CWC27: variants seen among roughly 807,000 people sequenced by gnomAD.
The protein encoded by CWC27 is spliceosome-associated protein CWC27 homolog.
A neutral mutation model predicts 63.6 loss-of-function variants in CWC27; 47 were observed. The ratio of observed to expected loss-of-function variants is 0.74; its 90% CI spans 0.58 to 0.94. The LOEUF is 0.94. Among genes scored for constraint, CWC27 ranks in the 40% least tolerant of loss-of-function variants. The probability of loss-of-function intolerance (pLI) is 0.00; values close to 1 mark genes in which losing one functional copy is unlikely to be tolerated. For missense variants in CWC27, 495 were observed against 554.3 expected (o/e 0.89, Z 1.07); for synonymous variants, 175 against 179.8 (o/e 0.97, Z 0.22).
chr5:64,808,745 G>A (rs145819507), intron 10 of CWC27, among the ~76,000 whole-genome samples: 73 of 152,108 alleles, frequency 4.8e-4, no homozygotes, highest in Non-Finnish European at 2.6e-4. Context: ...TGGAATGAGT[G>A]GATAAATAAA....
intron 10 of CWC27, among the ~76,000 whole-genome samples, chr5:64,806,147 A>G (rs1744660402): frequency 7.3e-6 from 1 of 136,608 alleles, no homozygotes. Flanking sequence ...AGGAACATAT[A>G]TATCCACTTA....
At chr5:64,824,429 A>AT (rs914126968) in intron 10 of CWC27, among the ~76,000 whole-genome samples, 1 of 152,120 alleles carries the variant, frequency 6.6e-6, no homozygotes, top group Non-Finnish European at 1.5e-5. Context: ...TGAATGGAAT[A>AT]TTTTTATGGA....
At chr5:64,802,075 T>C (rs968282549) in intron 9 of CWC27, among the ~76,000 whole-genome samples, 1 of 152,132 alleles carries the variant, frequency 6.6e-6, no homozygotes, top group Non-Finnish European at 1.5e-5. Context: ...ATTTATGTCT[T>C]ATATGAGAGT....
chr5:64,940,242 T>G (rs548879012), intron 11 of CWC27, among the ~76,000 whole-genome samples: 1 of 152,042 alleles, frequency 6.6e-6, no homozygotes, highest in Admixed American at 6.5e-5. Context: ...GCCCTGGTGG[T>G]GTAGGCTCCA....
At chr5:64,901,475 G>C (rs528599376) in intron 11 of CWC27, among the ~76,000 whole-genome samples, 1 of 151,016 alleles carries the variant, frequency 6.6e-6, no homozygotes, top group African/African-American at 2.4e-5. Flanking sequence ...AAAAAAAAAG[G>C]TATAAAAGAT....
chr5:64,783,741 T>C (rs1743778659), intron 3 of CWC27, 95 bp from the exon 4 acceptor site: 3 of 1,060,298 alleles, frequency 2.8e-6, no homozygotes, highest in Non-Finnish European at 3.9e-6. Flanking sequence ...GCATTTTTTA[T>C]TAGAAGTTGT....
At position 64,910,947 on chromosome 5, in the gene CWC27, C is replaced by T. The variant is rs11741398; in HGVS notation, c.1042+25401C>T. The stretch of plus-strand genomic sequence containing the variant: ...GCCCACCCTGCTTCAGCTTGCCCTC[C>T]GTGGGCTGCACCCATTGTCCAACCA... On this transcript the variant is annotated intron_variant, in intron 11 of 13. Coordinates refer to ENST00000381070, the MANE Select transcript of CWC27 (RefSeq NM_005869.4). Among the ~76,000 whole-genome samples the T allele has an allele frequency of 2.0e-3, 301 of 152,306 alleles. 1 individual carries two copies. Among genetic ancestry groups the T allele is most frequent in the Non-Finnish European group, 3.2e-3 (215 of 68,012 alleles).
In CWC27 at chr5:64,858,696, A is replaced by G. The variant is rs532686843; in HGVS notation, c.939-26747A>G. Among the ~76,000 whole-genome samples, 74 of 152,190 alleles carry G rather than the reference A, an allele frequency of 4.9e-4. No individual in the cohort carries two copies. In the Middle Eastern group the frequency reaches 0.01, roughly 21 times the overall value. On this transcript the variant is annotated intron_variant, in intron 10 of 13. Transcript: ENST00000381070. ...TATTCAGGGCAATACAAATTAAACC[A>G]CTATGAGATAACACTCACTAGATTG...
intron 9 of CWC27, 42 bp downstream of exon 9, chr5:64,801,374 TAGAA>T: frequency 7.9e-7 from 1 of 1,257,868 alleles, no homozygotes; most frequent in Non-Finnish European, 1.1e-6. Context: ...GAACAATTCA[TAGAA>T]AGTACAAAAT....
At chr5:64,950,049 A>G (rs555017710) in intron 11 of CWC27, among the ~76,000 whole-genome samples, 89 of 152,128 alleles carry the variant, frequency 5.9e-4, no homozygotes, top group African/African-American at 2.0e-3. Flanking sequence ...AATATAAACT[A>G]GTTTAGTAAT....
chr5:64,985,395 A>G (rs1366321025), intron 13 of CWC27, among the ~76,000 whole-genome samples: 1 of 152,182 alleles, frequency 6.6e-6, no homozygotes, highest in Non-Finnish European at 1.5e-5. Flanking sequence ...GAGTTTTCCA[A>G]TCCATAAACA....
At chr5:64,790,882 G>A (rs1303693263) in intron 7 of CWC27, among the ~76,000 whole-genome samples, 1 of 152,116 alleles carries the variant, frequency 6.6e-6, no homozygotes, top group Non-Finnish European at 1.5e-5. Context: ...AACTCAGAGA[G>A]GGTTAAATAA....
chr5:64,902,154 GTTA>G (rs764038779), intron 11 of CWC27, among the ~76,000 whole-genome samples: 3 of 152,104 alleles, frequency 2.0e-5, no homozygotes, highest in Non-Finnish European at 4.4e-5. Context: ...GTCATTTATT[GTTA>G]TTATCAAGTA....
intron 10 of CWC27, among the ~76,000 whole-genome samples, chr5:64,859,654 T>C (rs1465584426): frequency 6.6e-6 from 1 of 152,170 alleles, no homozygotes; most frequent in African/African-American, 2.4e-5. Context: ...GTTTTCAGCA[T>C]ATTACTAAAA....
At chr5:64,858,244 G>A (rs1355762742) in intron 10 of CWC27, among the ~76,000 whole-genome samples, 1 of 149,372 alleles carries the variant, frequency 6.7e-6, no homozygotes, top group Non-Finnish European at 1.5e-5. Flanking sequence ...CGGATCACGA[G>A]GTCAGGAGAT....
chr5:65,014,236 A>G (rs1273347241), intron 13 of CWC27, among the ~76,000 whole-genome samples: 1 of 148,018 alleles, frequency 6.8e-6, no homozygotes, highest in East Asian at 1.9e-4. Context: ...AATATATAAT[A>G]GATTACATAT....
chr5:64,974,273 A>T lies in CWC27; in HGVS notation c.1152+2461A>T, dbSNP rs2116303. Among the ~76,000 whole-genome samples, 799 of 151,946 alleles carry T rather than the reference A, an allele frequency of 5.3e-3. 7 individuals are homozygous for T. The highest frequency in any genetic ancestry group is 0.027 in the East Asian group (142 of 5,168). On this transcript the variant is annotated intron_variant, in intron 12 of 13. Coordinates refer to ENST00000381070, the MANE Select transcript of CWC27 (RefSeq NM_005869.4). Reference sequence around the variant, plus strand: ...AAATGATAGGGTTTACTTTTAAGCTATAGTGTATTAGTCCATTTTCACACT... The same window carrying T: ...AAATGATAGGGTTTACTTTTAAGCTTTAGTGTATTAGTCCATTTTCACACT...
At chr5:64,793,517 A>G (rs149253836) in intron 7 of CWC27, among the ~76,000 whole-genome samples, 48 of 152,286 alleles carry the variant, frequency 3.2e-4, no homozygotes, top group African/African-American at 1.1e-3. Flanking sequence ...TTACACTACC[A>G]GCACTGTTCA....
chr5:64,996,019 G>A (rs1389456095), intron 13 of CWC27, among the ~76,000 whole-genome samples: 1 of 152,170 alleles, frequency 6.6e-6, no homozygotes, highest in Non-Finnish European at 1.5e-5. Context: ...AAGATCACAT[G>A]TGGAAAATAA....
Sources: gnomAD v4.1 joint callset for allele counts (sites outside exome capture counted in the v4.1 genomes callset) on GRCh38, gnomAD v4.1.1 for gene constraint, MANE v1.5 for transcripts, NCBI Gene and HGNC (gene_info 2026-07-23, HGNC 2026-07-21) for gene names.